CTNNA2: variants seen among roughly 807,000 people sequenced by gnomAD.
CTNNA2 encodes catenin alpha 2.
A neutral mutation model predicts 101.0 loss-of-function variants in CTNNA2; 42 were observed. The ratio of observed to expected loss-of-function variants is 0.42; its 90% CI spans 0.32 to 0.54. The LOEUF (loss-of-function observed/expected upper bound fraction) is 0.54, where lower values mean the gene tolerates loss of function less well. Ranked by LOEUF, CTNNA2 falls within the 20% of genes least tolerant of loss-of-function variation. The pLI, the probability that CTNNA2 is intolerant of heterozygous loss-of-function variation, is 0.14. For synonymous variants in CTNNA2, 450 were observed against 456.4 expected (o/e 0.99, Z 0.18); for missense variants, 871 against 1,223.1 (o/e 0.71, Z 4.29).
chr2:79,441,508 C>G (rs1678778176), intron 4 of CTNNA2, among the ~76,000 whole-genome samples: 1 of 152,112 alleles, frequency 6.6e-6, no homozygotes, highest in Non-Finnish European at 1.5e-5. Context: ...GAAACATTTT[C>G]TGATTTTTCC....
chr2:79,828,625 A>AGAGTTTCT (rs1678626824), intron 3 of CTNNA2, among the ~76,000 whole-genome samples: 1 of 146,144 alleles, frequency 6.8e-6, no homozygotes, highest in Non-Finnish European at 1.6e-5. Flanking sequence ...TCCTAGGAAT[A>AGAGTTTCT]GAGTTTCTGC....
At chr2:79,797,660 TA>T (rs10630216) in intron 3 of CTNNA2, among the ~76,000 whole-genome samples, 37 of 121,810 alleles carry the variant, frequency 3.0e-4, no homozygotes, top group Admixed American at 4.2e-4. Context: ...GACTCTGTCT[TA>T]AAAAAAAAAA....
chr2:80,561,365 T>C (rs1693575558), intron 12 of CTNNA2, among the ~76,000 whole-genome samples: 1 of 152,212 alleles, frequency 6.6e-6, no homozygotes, highest in Non-Finnish European at 1.5e-5. Flanking sequence ...ATGTCTTTTT[T>C]ATATGACTAA....
intron 9 of CTNNA2, among the ~76,000 whole-genome samples, chr2:80,469,155 T>A (rs1685090988): frequency 6.6e-6 from 1 of 152,158 alleles, no homozygotes; most frequent in African/African-American, 2.4e-5. Flanking sequence ...TCTGAGAAAG[T>A]CCTTTCCTCT....
At chr2:79,879,798 A>T (rs965592207) in intron 6 of CTNNA2, among the ~76,000 whole-genome samples, 1 of 152,088 alleles carries the variant, frequency 6.6e-6, no homozygotes, top group African/African-American at 2.4e-5. Context: ...TTCCTATTTG[A>T]ATATGCTTTA....
intron 12 of CTNNA2, among the ~76,000 whole-genome samples, chr2:80,559,593 T>G (rs1179032082): frequency 1.3e-5 from 2 of 152,234 alleles, no homozygotes; most frequent in South Asian, 2.1e-4. Flanking sequence ...ATTATTAGTA[T>G]GCTAAGAATT....
intron 7 of CTNNA2, among the ~76,000 whole-genome samples, chr2:79,966,251 T>G (rs1027344910): frequency 1.3e-5 from 2 of 152,102 alleles, no homozygotes; most frequent in Non-Finnish European, 2.9e-5. Context: ...GAATCTTTTT[T>G]GGGGGACAGG....
At chr2:80,054,802 A>G (rs900133686) in intron 7 of CTNNA2, among the ~76,000 whole-genome samples, 11 of 152,096 alleles carry the variant, frequency 7.2e-5, no homozygotes, top group African/African-American at 2.7e-4. Context: ...ATCTGGCAAT[A>G]GTGGCTTTTT....
intron 1 of CTNNA2, among the ~76,000 whole-genome samples, chr2:79,623,462 C>T (rs529354570): frequency 6.6e-6 from 1 of 152,328 alleles, no homozygotes; most frequent in Admixed American, 6.5e-5. Flanking sequence ...TCCCACCTCA[C>T]TCCATCTATT....
chr2:79,197,218 C>A (rs1483428586), intron 1 of CTNNA2, among the ~76,000 whole-genome samples: 1 of 152,164 alleles, frequency 6.6e-6, no homozygotes, highest in East Asian at 1.9e-4. Context: ...TTATTCAGAG[C>A]TTGCTATAGC....
At chr2:79,455,030 T>C (rs1205900913) in intron 4 of CTNNA2, among the ~76,000 whole-genome samples, 1 of 152,142 alleles carries the variant, frequency 6.6e-6, no homozygotes, top group Non-Finnish European at 1.5e-5. Context: ...AGAACAGATG[T>C]CATTGAATGA....
chr2:80,111,732 G>C lies in CTNNA2; in HGVS notation c.1056+201935G>C, dbSNP rs117019558. ...AATTGTTTTACGTTTTGTAGAGATG[G>C]GGTCACAATATGTTGCCCAGACTGA... is the stretch of plus-strand genomic sequence containing the variant. On this transcript the variant is annotated intron_variant, in intron 7 of 18. Transcript: ENST00000402739. 7.5e-4 allele frequency among the ~76,000 whole-genome samples: 114 copies of C among 152,150 alleles called. No individual in the cohort carries two copies. The East Asian group carries it at 0.021, about 28-fold the overall frequency.
intron 1 of CTNNA2, among the ~76,000 whole-genome samples, chr2:79,614,031 A>C (rs1678461937): frequency 6.6e-6 from 1 of 152,188 alleles, no homozygotes; most frequent in African/African-American, 2.4e-5. Context: ...TGTGCTCCTT[A>C]TAGTAGGCTC....
chr2:79,769,312 G>C (rs1364245444), intron 3 of CTNNA2, among the ~76,000 whole-genome samples: 1 of 152,012 alleles, frequency 6.6e-6, no homozygotes, highest in Non-Finnish European at 1.5e-5. Flanking sequence ...AAAAATGGAG[G>C]GTCACTTAAT....
At chr2:79,392,694 C>CAGT (rs1678187807) in intron 4 of CTNNA2, among the ~76,000 whole-genome samples, 1 of 152,116 alleles carries the variant, frequency 6.6e-6, no homozygotes, top group Admixed American at 6.6e-5. Context: ...TGACTCTACT[C>CAGT]AACTATTCAT....
Position 80,303,075 on chromosome 2 carries a change from C to A in CTNNA2, c.1057-90136C>A, listed in dbSNP as rs1676518678. 3.7e-6 allele frequency: 6 copies of A among 1,613,976 alleles called. No individual in the cohort carries two copies. The highest frequency in any genetic ancestry group is 5.1e-6 in the Non-Finnish European group (6 of 1,180,018). On this transcript the variant is annotated intron_variant, in intron 7 of 18. Transcript: ENST00000402739. The surrounding 1 kb of genome is among the most constrained non-coding windows in gnomAD (Gnocchi z 7.7). ...TTCCAAACCCAGTCCAGCGAGCTGA[C>A]CACAATGGCCACCTTGTTCCTCCGC... is the stretch of plus-strand genomic sequence containing the variant.
At chr2:80,227,326 A>G (rs1708946357) in intron 7 of CTNNA2, among the ~76,000 whole-genome samples, 1 of 152,176 alleles carries the variant, frequency 6.6e-6, no homozygotes, top group South Asian at 2.1e-4. Flanking sequence ...TAAGTTTACA[A>G]AATATTTTCT....
intron 1 of CTNNA2, among the ~76,000 whole-genome samples, chr2:79,522,329 A>G (rs150465786): frequency 3.9e-5 from 6 of 152,318 alleles, no homozygotes; most frequent in Non-Finnish European, 8.8e-5. Context: ...ATGCTTTCCT[A>G]CAAGTTATCG....
rs545815639 is a variant in CTNNA2 at position 79,882,548 on chromosome 2, C to T, written c.852+8206C>T. The stretch of plus-strand genomic sequence containing the variant: ...GGAACAAGTCTTGGGACCAAGCTGT[C>T]CAGCCTCCCTGGCTCCAGCAGGGGA... On this transcript the variant is annotated intron_variant, in intron 6 of 18. Transcript: ENST00000402739. Among the ~76,000 whole-genome samples the T allele has an allele frequency of 2.1e-4, 32 of 152,344 alleles. No homozygotes were observed. In the South Asian group the frequency reaches 6.2e-3, roughly 30 times the overall value.
Sources: gnomAD v4.1 joint callset for allele counts (sites outside exome capture counted in the v4.1 genomes callset) on GRCh38, gnomAD v4.1.1 for gene constraint, Gnocchi (gnomAD v3.1) non-coding constraint, MANE v1.5 for transcripts, NCBI Gene and HGNC (gene_info 2026-07-23, HGNC 2026-07-21) for gene names.